The following ROBO1 variants were observed in gnomAD, a reference collection of about 807,000 sequenced individuals.
ROBO1 encodes roundabout homolog 1.
Under a neutral mutation model 195.9 loss-of-function variants are expected in ROBO1, and 149 were observed. That is an observed-to-expected ratio of 0.76 (90% CI 0.67 to 0.87). The LOEUF (loss-of-function observed/expected upper bound fraction) is 0.87, where lower values mean the gene tolerates loss of function less well. ROBO1 is among the 40% of genes least tolerant of loss of function. The pLI is 0.00. For synonymous variants in ROBO1, 816 were observed against 733.2 expected, an observed-to-expected ratio of 1.11 and a Z score of -1.82; for missense variants, 1,933 against 2,068.3, an observed-to-expected ratio of 0.93 and a Z score of 1.27.
At chr3:79,420,726 A>T (rs895984222) in intron 2 of ROBO1, among the ~76,000 whole-genome samples, 1 of 152,192 alleles carries the variant, frequency 6.6e-6, no homozygotes, top group African/African-American at 2.4e-5. Context: ...ATTAAAAATT[A>T]AAAAATAACA....
Position 79,060,427 on chromosome 3 carries a change from T to G in ROBO1, c.172+65029A>C, listed in dbSNP as rs183772634. On this transcript the variant is annotated intron_variant, in intron 3 of 30. Transcript: ENST00000464233. ...ATTCCTAATAAAAACTTGCTGGTTT[T>G]GTGGCTCAGGGGGCATCATGGAACC... Among the ~76,000 whole-genome samples, 97 of 152,122 alleles carry G rather than the reference T, an allele frequency of 6.4e-4. 1 individual carries two copies. The East Asian group carries it at 0.019, about 30-fold the overall frequency.
At chr3:78,969,384 T>A (rs1472924747) in intron 3 of ROBO1, among the ~76,000 whole-genome samples, 2 of 152,204 alleles carry the variant, frequency 1.3e-5, no homozygotes, top group African/African-American at 4.8e-5. Flanking sequence ...TTAACTTCCA[T>A]TTCCTTTTCC....
chr3:79,240,083 A>G (rs914738913), intron 2 of ROBO1, among the ~76,000 whole-genome samples: 2 of 152,180 alleles, frequency 1.3e-5, no homozygotes, highest in African/African-American at 4.8e-5. Flanking sequence ...AGCAATGTTT[A>G]GGTATGTAGT....
At chr3:79,442,802 G>A (rs1463558574) in intron 2 of ROBO1, among the ~76,000 whole-genome samples, 1 of 152,124 alleles carries the variant, frequency 6.6e-6, no homozygotes, top group Admixed American at 6.6e-5. Context: ...CTCTTGCTTA[G>A]AATTCTTTCC....
intron 2 of ROBO1, among the ~76,000 whole-genome samples, chr3:79,414,364 A>G (rs2037911450): frequency 6.6e-6 from 1 of 152,072 alleles, no homozygotes; most frequent in Admixed American, 6.6e-5. Flanking sequence ...TACATGAAAG[A>G]AAATTGTCAA....
chr3:79,636,880 A>G (rs2108050363), intron 1 of ROBO1, among the ~76,000 whole-genome samples: 1 of 152,324 alleles, frequency 6.6e-6, no homozygotes, highest in Admixed American at 6.5e-5. Context: ...ACTATGAAGG[A>G]AAAATACATT....
rs562372769 is a variant in ROBO1, at chr3:78,648,671, C to T, written c.2813-1016G>A. On this transcript the variant is annotated intron_variant, in intron 19 of 30. Coordinates refer to ENST00000464233, the MANE Select transcript of ROBO1 (RefSeq NM_002941.4). ...TCTTCATGTTAAATTAAAGTAAACGCTGCTCTGGTTAAAAAAAAAAAAAAG... is the reference window on the plus strand; with the variant it reads ...TCTTCATGTTAAATTAAAGTAAACGTTGCTCTGGTTAAAAAAAAAAAAAAG... Among the ~76,000 whole-genome samples the T allele has an allele frequency of 3.4e-5, 5 of 148,994 alleles. No homozygotes were observed. In the South Asian group the frequency reaches 1.1e-3, roughly 31 times the overall value.
intron 4 of ROBO1, among the ~76,000 whole-genome samples, chr3:78,872,687 A>G (rs113988429): frequency 2.6e-5 from 4 of 152,176 alleles, no homozygotes; most frequent in African/African-American, 9.7e-5. Context: ...GGCAGTGCCT[A>G]GGTATTTAAA....
intron 2 of ROBO1, among the ~76,000 whole-genome samples, chr3:79,430,145 TTAAC>T (rs530493464): frequency 1.2e-4 from 18 of 152,142 alleles, no homozygotes; most frequent in Admixed American, 4.6e-4. Context: ...ATTAAAGACT[TTAAC>T]TAAATCAACT....
intron 4 of ROBO1, among the ~76,000 whole-genome samples, chr3:78,915,340 C>T (rs1438602476): frequency 1.3e-5 from 2 of 152,018 alleles, no homozygotes; most frequent in Non-Finnish European, 2.9e-5. Context: ...CAGGTGTTTC[C>T]GATTTAATTT....
At chr3:79,733,824 T>C (rs980269175) in intron 1 of ROBO1, among the ~76,000 whole-genome samples, 23 of 152,346 alleles carry the variant, frequency 1.5e-4, no homozygotes, top group Admixed American at 1.2e-3. Flanking sequence ...TTTTTGAAAG[T>C]AGAATAAATG....
At chr3:79,764,383 T>C (rs1252115209) in intron 1 of ROBO1, among the ~76,000 whole-genome samples, 1 of 152,228 alleles carries the variant, frequency 6.6e-6, no homozygotes, top group Non-Finnish European at 1.5e-5. Flanking sequence ...GCCTATTGTA[T>C]GCTATCATGT....
chr3:79,196,049 A>T (rs2081627327), intron 2 of ROBO1, among the ~76,000 whole-genome samples: 1 of 151,612 alleles, frequency 6.6e-6, no homozygotes, highest in South Asian at 2.1e-4. Context: ...AGTATAGTGG[A>T]CAAAAAGATG....
intron 1 of ROBO1, among the ~76,000 whole-genome samples, chr3:79,684,264 C>A (rs1400651277): frequency 2.6e-5 from 4 of 152,122 alleles, no homozygotes; most frequent in African/African-American, 9.7e-5. Flanking sequence ...GGAGAAATAT[C>A]TATTAAAACC....
chr3:78,998,517 C>A (rs1212835713), intron 3 of ROBO1, among the ~76,000 whole-genome samples: 2 of 152,094 alleles, frequency 1.3e-5, no homozygotes, highest in African/African-American at 4.8e-5. Context: ...CTTAGGTGGA[C>A]AACCCACTGG....
chr3:79,255,044 T>C (rs1256059272), intron 2 of ROBO1, among the ~76,000 whole-genome samples: 3 of 152,128 alleles, frequency 2.0e-5, no homozygotes, highest in Non-Finnish European at 4.4e-5. Flanking sequence ...TTGAAAAAAG[T>C]CTTCCGCATT....
chr3:78,798,882 C>A (rs9309819), intron 4 of ROBO1, among the ~76,000 whole-genome samples: 1 of 151,846 alleles, frequency 6.6e-6, no homozygotes, highest in Non-Finnish European at 1.5e-5. Flanking sequence ...ATGTGAATGG[C>A]GACTAAGATG....
chr3:79,406,501 G>A (rs1363920569), intron 2 of ROBO1, among the ~76,000 whole-genome samples: 1 of 151,902 alleles, frequency 6.6e-6, no homozygotes. Context: ...TATTTATGGA[G>A]GGATTTCTTT....
intron 2 of ROBO1, among the ~76,000 whole-genome samples, chr3:79,157,483 A>G (rs2080879828): frequency 6.6e-6 from 1 of 151,884 alleles, no homozygotes; most frequent in African/African-American, 2.4e-5. Flanking sequence ...AAAAAAACAC[A>G]AACACCCATA....
Sources: allele counts gnomAD v4.1 joint callset (sites outside exome capture counted in the v4.1 genomes callset), GRCh38; gene constraint gnomAD v4.1.1; transcripts MANE v1.5; gene names NCBI Gene and HGNC (gene_info 2026-07-23, HGNC 2026-07-21).